Variants in HSD17B12 observed in about 807,000 individuals in gnomAD.
HSD17B12 encodes very-long-chain 3-oxoacyl-CoA reductase.
Under a neutral mutation model 39.3 loss-of-function variants are expected in HSD17B12, and 32 were observed. That is an observed-to-expected ratio of 0.81 (90% CI 0.61 to 1.09). The LOEUF is 1.09. Ranked by LOEUF, HSD17B12 falls within the 50% of genes least tolerant of loss-of-function variation. The pLI is 0.00. For missense variants in HSD17B12, 342 were observed against 382.9 expected (o/e 0.89, Z 0.89); for synonymous variants, 150 against 146.7 (o/e 1.02, Z -0.16).
the HSD17B12 span, among the ~76,000 whole-genome samples, chr11:43,660,765 G>T: frequency 6.6e-6 from 1 of 152,130 alleles, no homozygotes; most frequent in East Asian, 1.9e-4. Context: ...GGCAAAAATT[G>T]GGAACAACTT....
At chr11:43,778,891 C>G (rs1217401337) in intron 3 of HSD17B12, among the ~76,000 whole-genome samples, 2 of 152,096 alleles carry the variant, frequency 1.3e-5, no homozygotes, top group South Asian at 2.1e-4. Flanking sequence ...AGTAATATAT[C>G]TTCTGTATTG....
intron 3 of HSD17B12, among the ~76,000 whole-genome samples, chr11:43,757,657 A>AAAAAC (rs1950521212): frequency 7.0e-6 from 1 of 143,784 alleles, no homozygotes; most frequent in Non-Finnish European, 1.5e-5. Flanking sequence ...AAAAAAAAAA[A>AAAAAC]AAAAAAAAAA....
At chr11:43,738,824 G>A (rs1018902557) in intron 1 of HSD17B12, among the ~76,000 whole-genome samples, 1 of 152,158 alleles carries the variant, frequency 6.6e-6, no homozygotes. Context: ...CTAGATAGTA[G>A]GAAAGAGAGT....
At chr11:43,775,048 G>C (rs1950686001) in intron 3 of HSD17B12, among the ~76,000 whole-genome samples, 1 of 152,154 alleles carries the variant, frequency 6.6e-6, no homozygotes, top group Non-Finnish European at 1.5e-5. Flanking sequence ...CTTGAAGCAG[G>C]AGAAATCCTC....
At chr11:43,596,561 T>C in the HSD17B12 span, among the ~76,000 whole-genome samples, 2 of 152,258 alleles carry the variant, frequency 1.3e-5, 1 homozygote, top group East Asian at 3.9e-4. Context: ...GCCTCCTCAG[T>C]GTCTGGGACT....
At chr11:43,773,907 T>G (rs1950673254) in intron 3 of HSD17B12, among the ~76,000 whole-genome samples, 1 of 152,244 alleles carries the variant, frequency 6.6e-6, no homozygotes, top group Admixed American at 6.5e-5. Flanking sequence ...GTTTTTAAGT[T>G]TAACATTAAA....
Position 43,760,308 on chromosome 11 carries a change from C to A in HSD17B12, c.283+6187C>A, listed in dbSNP as rs11037605. Reference sequence around the variant, plus strand: ...CAAGCGATCCTCCCACCTTGGCCCCCCAAAGTGCTGGGCTTATACATGTAA... The same window carrying A: ...CAAGCGATCCTCCCACCTTGGCCCCACAAAGTGCTGGGCTTATACATGTAA... On this transcript the variant is annotated intron_variant, in intron 3 of 10. Transcript: ENST00000278353. Among the ~76,000 whole-genome samples, 597 of 152,302 alleles carry A rather than the reference C, an allele frequency of 3.9e-3. 6 individuals are homozygous for A. The East Asian group carries it at 0.045, about 11-fold the overall frequency.
At chr11:43,581,909 G>T in the HSD17B12 span, among the ~76,000 whole-genome samples, 1 of 152,178 alleles carries the variant, frequency 6.6e-6, no homozygotes, top group Admixed American at 6.5e-5. This position sits in a 1 kb window ranked among gnomAD's most constrained non-coding sequence, Gnocchi z 4.9. Flanking sequence ...GGTCATTTTT[G>T]ACCGTAATGA....
chr11:43,810,380 TA>T (rs1187223016), intron 4 of HSD17B12, among the ~76,000 whole-genome samples: 1 of 38,204 alleles, frequency 2.6e-5, no homozygotes, highest in Non-Finnish European at 6.4e-5. Flanking sequence ...TATATATATA[TA>T]TATATATATA....
At chr11:43,713,936 T>A (rs1950095543) in intron 1 of HSD17B12, among the ~76,000 whole-genome samples, 1 of 152,222 alleles carries the variant, frequency 6.6e-6, no homozygotes, top group Admixed American at 6.5e-5. Context: ...TTTTGAGAAG[T>A]GTCTGTTCAT....
intron 3 of HSD17B12, among the ~76,000 whole-genome samples, chr11:43,789,122 C>T (rs1950844082): frequency 6.6e-6 from 1 of 152,188 alleles, no homozygotes; most frequent in African/African-American, 2.4e-5. Flanking sequence ...AGGGTCAATT[C>T]CTACTCTTCA....
At chr11:43,700,908 C>G (rs931320072) in intron 1 of HSD17B12, among the ~76,000 whole-genome samples, 13 of 152,148 alleles carry the variant, frequency 8.5e-5, no homozygotes, top group Non-Finnish European at 1.3e-4. Context: ...GAGAAAGCTC[C>G]AAACTGTTCT....
intron 1 of HSD17B12, among the ~76,000 whole-genome samples, chr11:43,695,847 T>G (rs1257724846): frequency 6.6e-6 from 1 of 152,184 alleles, no homozygotes; most frequent in African/African-American, 2.4e-5. Context: ...AATACATATA[T>G]TTCTAACTTT....
At chr11:43,746,718 A>G (rs544659001) in intron 1 of HSD17B12, among the ~76,000 whole-genome samples, 6 of 152,344 alleles carry the variant, frequency 3.9e-5, no homozygotes, top group African/African-American at 1.4e-4. Context: ...TATGTTATAT[A>G]TAATTGTATG....
chr11:43,688,528 G>C (rs1180325647), intron 1 of HSD17B12, among the ~76,000 whole-genome samples: 2 of 152,210 alleles, frequency 1.3e-5, no homozygotes, highest in African/African-American at 2.4e-5. Context: ...AAAACAATGC[G>C]TTTGCCCTAT....
At chr11:43,612,493 C>T in the HSD17B12 span, among the ~76,000 whole-genome samples, 1 of 152,152 alleles carries the variant, frequency 6.6e-6, no homozygotes, top group Non-Finnish European at 1.5e-5. Flanking sequence ...GAGTGGGGCT[C>T]ATTTGTTCAT....
chr11:43,747,184 C>CAAG (rs1950419793), intron 1 of HSD17B12, among the ~76,000 whole-genome samples: 1 of 152,160 alleles, frequency 6.6e-6, no homozygotes, highest in Non-Finnish European at 1.5e-5. Flanking sequence ...CTACTGAACA[C>CAAG]CTACCTTGTG....
intron 1 of HSD17B12, among the ~76,000 whole-genome samples, chr11:43,683,094 G>GTTT (rs1554959067): frequency 1.2e-5 from 1 of 81,000 alleles, no homozygotes. Flanking sequence ...GCCTGGATGT[G>GTTT]TTTTTTTTTG....
intron 1 of HSD17B12, among the ~76,000 whole-genome samples, chr11:43,691,273 C>T (rs975892648): frequency 6.6e-5 from 10 of 152,180 alleles, no homozygotes; most frequent in Non-Finnish European, 1.3e-4. Flanking sequence ...TAGCAGCCTT[C>T]AGCAACACTG....
Sources: allele counts gnomAD v4.1 joint callset (sites outside exome capture counted in the v4.1 genomes callset), GRCh38; gene constraint gnomAD v4.1.1; non-coding constraint Gnocchi (gnomAD v3.1); transcripts MANE v1.5; gene names NCBI Gene and HGNC (gene_info 2026-07-23, HGNC 2026-07-21).